USP38: variants seen among roughly 807,000 people sequenced by gnomAD.
USP38 encodes ubiquitin specific peptidase 38.
A neutral mutation model predicts 94.3 loss-of-function variants in USP38; 49 were observed. That is an observed-to-expected ratio of 0.52 (90% confidence interval 0.41 to 0.66). USP38 has a LOEUF of 0.66. Among genes scored for constraint, USP38 ranks in the 30% least tolerant of loss-of-function variants. The probability of loss-of-function intolerance (pLI) is 0.00; values close to 1 mark genes in which losing one functional copy is unlikely to be tolerated. For synonymous variants in USP38, 468 were observed against 463.6 expected, an observed-to-expected ratio of 1.01 and a Z score of -0.12; for missense variants, 1,128 against 1,229.4, an observed-to-expected ratio of 0.92 and a Z score of 1.23.
At chr4:143,208,531 A>G (rs1232312457) in intron 6 of USP38, among the ~76,000 whole-genome samples, 1 of 152,090 alleles carries the variant, frequency 6.6e-6, no homozygotes, top group East Asian at 1.9e-4. Context: ...TGCCAATATG[A>G]AGAAAAATGT....
rs1234059463 is a variant in USP38 at position 143,203,446 on chromosome 4, A to C, written c.1089A>C (p.Lys363Asn). The C allele has an allele frequency of 6.2e-7, 1 of 1,613,008 alleles. No homozygotes were observed. Among genetic ancestry groups the C allele is most frequent in the Non-Finnish European group, 8.5e-7 (1 of 1,179,414 alleles). The stretch of plus-strand genomic sequence containing the variant: ...TGGTTAATTTGGTTCATTCTTTCAA[A>C]AATGATGGTCTGCCTTCAAGTACAG... ...PHVVNLVHSF[K>N]NDGLPSSTAF... The change falls in exon 5 of 10, where the codon AAA (lysine) becomes AAC (asparagine). Residue 363 changes from lysine (K) to asparagine (N), a missense_variant. Physicochemically the swap from Lys to Asn is moderately conservative, Grantham distance 94. Coordinates refer to ENST00000307017, the MANE Select transcript of USP38 (RefSeq NM_032557.6).
At chr4:143,218,667 C>T (rs1254715421) in intron 9 of USP38, among the ~76,000 whole-genome samples, 1 of 152,066 alleles carries the variant, frequency 6.6e-6, no homozygotes, top group East Asian at 1.9e-4. Flanking sequence ...GACATAGTTT[C>T]TATAAGGGAA....
chr4:143,213,147 A>T lies in USP38; in HGVS notation c.1605-434A>T, dbSNP rs550070420. On this transcript the variant is annotated intron_variant, in intron 8 of 9. Coordinates refer to ENST00000307017, the MANE Select transcript of USP38 (RefSeq NM_032557.6). ...CACTTAATTAATAAAACCTGTTATC[A>T]TCTGTATCTCCCTGTCTTTGTTCTG... is the stretch of plus-strand genomic sequence containing the variant. 2.6e-5 allele frequency among the ~76,000 whole-genome samples: 4 copies of T among 152,228 alleles called. No homozygotes were observed. In the South Asian group the frequency reaches 8.3e-4, roughly 32 times the overall value.
intron 5 of USP38, 23 bp from the exon 6 acceptor site, chr4:143,206,010 T>C: frequency 2.0e-6 from 3 of 1,469,034 alleles, no homozygotes; most frequent in Non-Finnish European, 1.8e-6. Flanking sequence ...TTTTAAACTG[T>C]TTTTCTTCTT....
intron 1 of USP38, among the ~76,000 whole-genome samples, chr4:143,186,826 T>C (rs1731240508): frequency 6.6e-6 from 1 of 152,224 alleles, no homozygotes; most frequent in South Asian, 2.1e-4. Context: ...ACCTTCGTTG[T>C]TCTGTCTTGG....
intron 1 of USP38, 62 bp downstream of exon 1, chr4:143,186,194 A>C (rs1187193067): frequency 3.4e-6 from 5 of 1,484,672 alleles, no homozygotes; most frequent in East Asian, 4.5e-5. Context: ...TCTTGCACAC[A>C]CACATTCACA....
chr4:143,202,039 A>C (rs1463638385), intron 4 of USP38, among the ~76,000 whole-genome samples: 1 of 152,190 alleles, frequency 6.6e-6, no homozygotes, highest in Non-Finnish European at 1.5e-5. Flanking sequence ...ATTACTTCTA[A>C]AATTTTTGCC....
chr4:143,221,377 A>G lies in USP38; in HGVS notation c.*921A>G, dbSNP rs1018072978. 2 of 152,578 alleles carry G rather than the reference A, an allele frequency of 1.3e-5. No homozygotes were observed. 9.5% of individuals were successfully genotyped at this position (152,578 alleles called of 1,614,324 possible). On this transcript the variant is annotated 3_prime_UTR_variant, in exon 10 of 10. Coordinates refer to ENST00000307017, the MANE Select transcript of USP38 (RefSeq NM_032557.6). ...TGATGGTTCTAAATCAATCAATGTG[A>G]TAGTTCATTTTTAACTCTTAGAAGA... is the stretch of plus-strand genomic sequence containing the variant.
Position 143,221,202 on chromosome 4 carries a change from A to T in USP38, c.*746A>T, listed in dbSNP as rs1447471006. ...AGTATATCTTCTGTGGTTTTGAAGG[A>T]GGTGAGTTCTGTATGTGCCTTGCAG... On this transcript the variant is annotated 3_prime_UTR_variant, in exon 10 of 10. Transcript: ENST00000307017. 1 of 152,574 alleles carries T rather than the reference A, an allele frequency of 6.6e-6. No homozygotes were observed. Among genetic ancestry groups the T allele is most frequent in the Non-Finnish European group, 1.5e-5 (1 of 68,004 alleles). The allele number at this position is 152,574 out of a possible 1,614,324, so 9.5% of individuals were successfully genotyped here. A position where few individuals can be genotyped will look rare whatever the true frequency, so the allele number is the denominator to read the frequency against.
At chr4:143,206,904 A>G (rs1478800554) in intron 6 of USP38, among the ~76,000 whole-genome samples, 1 of 152,116 alleles carries the variant, frequency 6.6e-6, no homozygotes, top group East Asian at 1.9e-4. Flanking sequence ...CAGATCAACA[A>G]CTTTGTTGCT....
chr4:143,203,410 T>G lies in USP38; in HGVS notation c.1053T>G (p.Ile351Met), dbSNP rs546757550. 1 of 1,605,948 alleles carries G rather than the reference T, an allele frequency of 6.2e-7. No homozygotes were observed. Residue 351 changes from isoleucine to methionine, a missense_variant and splice_region_variant, in exon 5 of 10, where the codon ATT becomes ATG. By Grantham distance (10) the Ile-to-Met change is conservative (BLOSUM62 1). Transcript: ENST00000307017. Reference protein sequence around the residue: ...FQHSPEAFHLIVPHVVNLVHS... With the variant: ...FQHSPEAFHLMVPHVVNLVHS... The stretch of plus-strand genomic sequence containing the variant: ...TGTTTATCCTTTTTTCTTTTCAGAT[T>G]GTTCCTCATGTGGTTAATTTGGTTC...
Position 143,185,976 on chromosome 4 carries a change from G to A in USP38, c.526G>A (p.Gly176Ser). 4.3e-6 allele frequency: 7 copies of A among 1,614,182 alleles called. No homozygotes were observed. The highest frequency in any genetic ancestry group is 5.9e-6 in the Non-Finnish European group (7 of 1,180,048). ...TFCQQLVRTIGHFQCVSTQER... is the reference protein window; with the variant it reads ...TFCQQLVRTISHFQCVSTQER... ...CTGTCAACAGCTGGTTCGAACGATA[G>A]GCCATTTCCAGTGCGTGTCCACCCA... The change falls in exon 1 of 10, where the codon GGC (glycine) becomes AGC (serine). Residue 176 changes from glycine (G) to serine (S), a missense_variant. Transcript: ENST00000307017.
In USP38 at chr4:143,212,437, C is replaced by CTTTA; in HGVS notation, c.1604+15_1604+16insTATT. On this transcript the variant is annotated intron_variant, in intron 8 of 9. Coordinates refer to ENST00000307017, the MANE Select transcript of USP38 (RefSeq NM_032557.6). ...TTCTCCTTGACAGGTAAAAAGTATTCTTAAAATTGTGATTTGAGTGTTGTC... is the reference window on the plus strand; with the variant it reads ...TTCTCCTTGACAGGTAAAAAGTATTCTTTATTAAAATTGTGATTTGAGTGTTGTC... 6.4e-7 allele frequency: 1 copy of CTTTA among 1,555,142 alleles called. No homozygotes were observed. The highest frequency in any genetic ancestry group is 8.7e-7 in the Non-Finnish European group (1 of 1,146,984).
intron 9 of USP38, among the ~76,000 whole-genome samples, chr4:143,217,111 C>T (rs1732206933): frequency 6.6e-6 from 1 of 152,162 alleles, no homozygotes; most frequent in Non-Finnish European, 1.5e-5. Flanking sequence ...TGTGCCCAGC[C>T]TGTTTACTTT....
chr4:143,186,288 C>G (rs1731222719), intron 1 of USP38, among the ~76,000 whole-genome samples, 156 bp downstream of exon 1: 1 of 152,170 alleles, frequency 6.6e-6, no homozygotes, highest in African/African-American at 2.4e-5. Context: ...CATTCACTAC[C>G]TTATTCAGGA....
intron 5 of USP38, among the ~76,000 whole-genome samples, chr4:143,203,774 A>G (rs936981107): frequency 3.3e-5 from 5 of 152,210 alleles, no homozygotes; most frequent in African/African-American, 4.8e-5. Flanking sequence ...TTATTTCTGC[A>G]GTGTCATCAA....
At chr4:143,203,320 C>A in intron 4 of USP38, 88 bp from the exon 5 acceptor site, 2 of 1,291,326 alleles carry the variant, frequency 1.5e-6, no homozygotes, top group Admixed American at 2.2e-5. Flanking sequence ...ATCTGCTGAT[C>A]ATATATCGTT....
intron 2 of USP38, among the ~76,000 whole-genome samples, chr4:143,190,579 A>G (rs4582112): frequency 0.6 from 90,576 of 151,840 alleles, 27,192 homozygotes; most frequent in East Asian, 0.82. Context: ...TAAATTGACA[A>G]TAATTCTAGA....
intron 2 of USP38, among the ~76,000 whole-genome samples, chr4:143,190,900 C>A (rs1382410851): frequency 6.6e-6 from 1 of 152,082 alleles, no homozygotes; most frequent in Non-Finnish European, 1.5e-5. Flanking sequence ...GCATTCAGTG[C>A]TCTTAATTTT....
Sources: allele counts gnomAD v4.1 joint callset (sites outside exome capture counted in the v4.1 genomes callset), GRCh38; gene constraint gnomAD v4.1.1; transcripts MANE v1.5; gene names NCBI Gene and HGNC (gene_info 2026-07-23, HGNC 2026-07-21).